Variants in RUNX1 observed in about 807,000 individuals in gnomAD.
RUNX1 encodes the protein runt-related transcription factor 1.
In RUNX1, 19 loss-of-function variants were observed where a neutral mutation model predicts 42.8. The observed-to-expected ratio is 0.44, with a 90% CI of 0.31 to 0.65. RUNX1 has a LOEUF of 0.65. Ranked by LOEUF, RUNX1 falls within the 30% of genes least tolerant of loss-of-function variation. The pLI, the probability that RUNX1 is intolerant of heterozygous loss-of-function variation, is 0.07. For synonymous variants in RUNX1, 271 were observed against 289.4 expected (o/e 0.94, Z 0.64); for missense variants, 528 against 672.0 (o/e 0.79, Z 2.37).
chr21:34,868,976 T>A (rs2057700857), intron 5 of RUNX1, among the ~76,000 whole-genome samples: 1 of 152,246 alleles, frequency 6.6e-6, no homozygotes, highest in South Asian at 2.1e-4. Context: ...AATAAAAGTT[T>A]GTAATTATAT....
chr21:35,037,055 G>T (rs571444122), intron 2 of RUNX1, among the ~76,000 whole-genome samples: 1 of 152,144 alleles, frequency 6.6e-6, no homozygotes, highest in Non-Finnish European at 1.5e-5. Context: ...AAGGTGGTGC[G>T]CTCTCAAGCC....
At chr21:34,823,430 GTTTTTTTTTTTTTTT>G (rs56957776) in intron 7 of RUNX1, among the ~76,000 whole-genome samples, 11 of 99,712 alleles carry the variant, frequency 1.1e-4, no homozygotes, top group East Asian at 5.0e-4. Flanking sequence ...TTCCTGGTGG[GTTTTTTTTTTTTTTT>G]TTTTTTTTTT....
At chr21:34,934,162 A>G (rs1426947356) in intron 2 of RUNX1, among the ~76,000 whole-genome samples, 1 of 152,150 alleles carries the variant, frequency 6.6e-6, no homozygotes, top group Non-Finnish European at 1.5e-5. Context: ...ATGAGCTGTG[A>G]CTAGCTCTGT....
At chr21:35,002,634 G>A (rs1257223571) in intron 2 of RUNX1, among the ~76,000 whole-genome samples, 1 of 151,826 alleles carries the variant, frequency 6.6e-6, no homozygotes, top group Non-Finnish European at 1.5e-5. Context: ...CACCATATTG[G>A]CCAGGCTGGT....
At chr21:34,840,562 C>T (rs1478935342) in intron 6 of RUNX1, among the ~76,000 whole-genome samples, 1 of 152,142 alleles carries the variant, frequency 6.6e-6, no homozygotes, top group Non-Finnish European at 1.5e-5. Context: ...TCTTGAACAA[C>T]TTCTAATGAG....
At chr21:34,888,220 C>G (rs1451915881) in intron 3 of RUNX1, 1 of 1,066,898 alleles carries the variant, frequency 9.4e-7, no homozygotes, top group Non-Finnish European at 1.1e-6. Context: ...CTCCGAGGCA[C>G]GAACACCCAC....
At chr21:34,924,081 C>T (rs2058374502) in intron 2 of RUNX1, among the ~76,000 whole-genome samples, 1 of 64,148 alleles carries the variant, frequency 1.6e-5, no homozygotes, top group South Asian at 1.3e-3. Context: ...TTTACTCACT[C>T]AGTGACCCAC....
intron 7 of RUNX1, among the ~76,000 whole-genome samples, chr21:34,822,452 C>G (rs2056921777): frequency 2.0e-5 from 3 of 152,174 alleles, no homozygotes; most frequent in African/African-American, 7.2e-5. Flanking sequence ...CTGTGATAAC[C>G]CAGGTATAGA....
At chr21:34,998,878 T>C (rs2059018857) in intron 2 of RUNX1, among the ~76,000 whole-genome samples, 2 of 152,316 alleles carry the variant, frequency 1.3e-5, no homozygotes, top group South Asian at 4.1e-4. Flanking sequence ...ACAAACGCTC[T>C]CACCCTACTA....
chr21:34,992,375 C>T (rs1009579005), intron 2 of RUNX1, among the ~76,000 whole-genome samples: 2 of 152,176 alleles, frequency 1.3e-5, no homozygotes, highest in African/African-American at 2.4e-5. Flanking sequence ...GGGCACATTC[C>T]CGGCAGCCAG....
At chr21:34,895,333 T>G (rs1206087070) in intron 2 of RUNX1, among the ~76,000 whole-genome samples, 1 of 152,240 alleles carries the variant, frequency 6.6e-6, no homozygotes, top group Admixed American at 6.5e-5. Flanking sequence ...GAATGCTTCC[T>G]CTGTCCCAGG....
At chr21:34,883,328 T>A (rs1298971220) in intron 4 of RUNX1, among the ~76,000 whole-genome samples, 2 of 152,194 alleles carry the variant, frequency 1.3e-5, no homozygotes, top group Admixed American at 1.3e-4. Context: ...TCTGAGGGTT[T>A]TTTTTTGGTG....
Position 34,933,072 on chromosome 21 carries a change from G to T in RUNX1, c.59-40109C>A, listed in dbSNP as rs143834543. 8.5e-5 allele frequency among the ~76,000 whole-genome samples: 13 copies of T among 152,364 alleles called. No individual in the cohort carries two copies. The East Asian group carries it at 2.5e-3, about 29-fold the overall frequency. ...GAGTTTGCACAAAAATTGTGGGACAGATATGGGTATAATGTGGTGTGTGTT... is the reference window on the plus strand; with the variant it reads ...GAGTTTGCACAAAAATTGTGGGACATATATGGGTATAATGTGGTGTGTGTT... On this transcript the variant is annotated intron_variant, in intron 2 of 8. Coordinates refer to ENST00000675419, the MANE Select transcript of RUNX1 (RefSeq NM_001754.5).
At chr21:34,850,390 T>C (rs79442366) in intron 6 of RUNX1, among the ~76,000 whole-genome samples, 2,016 of 152,338 alleles carry the variant, frequency 0.013, 31 homozygotes, top group African/African-American at 0.046. Flanking sequence ...CGGCCATGTT[T>C]ATGTGCTTGC....
intron 2 of RUNX1, among the ~76,000 whole-genome samples, chr21:34,963,767 C>T (rs1293897462): frequency 6.6e-6 from 1 of 152,100 alleles, no homozygotes; most frequent in Non-Finnish European, 1.5e-5. Context: ...CTGTCTCTAC[C>T]CCGACGCTGA....
intron 2 of RUNX1, among the ~76,000 whole-genome samples, chr21:34,908,153 T>C (rs1171829285): frequency 2.0e-5 from 3 of 152,178 alleles, no homozygotes; most frequent in Non-Finnish European, 4.4e-5. Flanking sequence ...GGTTTCCTGA[T>C]TGCAATCACA....
Position 34,838,500 on chromosome 21 carries a change from T to A in RUNX1, c.614-3899A>T, listed in dbSNP as rs577794812. 7.2e-5 allele frequency among the ~76,000 whole-genome samples: 11 copies of A among 152,372 alleles called. 1 individual carries two copies. The highest frequency in any genetic ancestry group is 2.6e-4 in the African/African-American group (11 of 41,586). Reference sequence around the variant, plus strand: ...CCAAAAAGATATATTTCTCTCTGTATATACATGTATAAAATTGTGGTTCTT... The same window carrying A: ...CCAAAAAGATATATTTCTCTCTGTAAATACATGTATAAAATTGTGGTTCTT... On this transcript the variant is annotated intron_variant, in intron 6 of 8. Transcript: ENST00000675419.
At chr21:34,828,145 T>C (rs555380311) in intron 7 of RUNX1, among the ~76,000 whole-genome samples, 45 of 152,368 alleles carry the variant, frequency 3.0e-4, no homozygotes, top group Admixed American at 1.4e-3. Flanking sequence ...GGGGCAGGGC[T>C]GCCCAAGGCC....
chr21:34,859,552 C>T lies in RUNX1; in HGVS notation c.535G>A (p.Val179Ile), dbSNP rs1302205736. 6.2e-7 allele frequency: 1 copy of T among 1,614,098 alleles called. No individual in the cohort carries two copies. The highest frequency in any genetic ancestry group is 8.5e-7 in the Non-Finnish European group (1 of 1,179,988). The change falls in exon 6 of 9, where the codon GTC (valine) becomes ATC (isoleucine). Residue 179 changes from valine to isoleucine, a missense_variant. Coordinates refer to ENST00000675419, the MANE Select transcript of RUNX1 (RefSeq NM_001754.5). ...RGKSFTLTIT[V>I]FTNPPQVATY... ...GCGACTTGCGGTGGGTTTGTGAAGACAGTGATGGTCAGAGTGAAGCTTTTC... is the reference window on the plus strand; with the variant it reads ...GCGACTTGCGGTGGGTTTGTGAAGATAGTGATGGTCAGAGTGAAGCTTTTC...
Sources: allele counts gnomAD v4.1 joint callset (sites outside exome capture counted in the v4.1 genomes callset), GRCh38; gene constraint gnomAD v4.1.1; transcripts MANE v1.5; gene names NCBI Gene and HGNC (gene_info 2026-07-23, HGNC 2026-07-21).